The following CECR2 variants were observed in gnomAD, a reference collection of about 807,000 sequenced individuals.
CECR2 encodes the protein chromatin remodeling regulator CECR2.
In CECR2, 30 loss-of-function variants were observed where a neutral mutation model predicts 154.5. The observed-to-expected ratio is 0.19, with a 90% CI of 0.15 to 0.26. The LOEUF (loss-of-function observed/expected upper bound fraction) is 0.26. Among genes scored for constraint, CECR2 ranks in the 10% least tolerant of loss-of-function variants. The pLI, the probability that CECR2 is intolerant of heterozygous loss-of-function variation, is 1.00. For missense variants in CECR2, 1,743 were observed against 1,829.3 expected, an observed-to-expected ratio of 0.95 and a Z score of 0.86; for synonymous variants, 725 against 683.7, an observed-to-expected ratio of 1.06 and a Z score of -0.94.
At position 17,540,044 on chromosome 22, in the gene CECR2, C is replaced by A. The variant is rs571970277; in HGVS notation, c.1496-368C>A. Among the ~76,000 whole-genome samples the A allele has an allele frequency of 6.8e-4, 104 of 152,230 alleles. 3 individuals are homozygous for A. The South Asian group carries it at 0.022, about 32-fold the overall frequency. ...CGGGTGTCTCACTTTCTTGCCCAGT[C>A]CAGTCTTGGAACTCCTGGGCTCAAG... On this transcript the variant is annotated intron_variant, in intron 13 of 18. Transcript: ENST00000262608.
chr22:17,435,749 GA>G (rs1445070820), intron 1 of CECR2, among the ~76,000 whole-genome samples: 4 of 146,248 alleles, frequency 2.7e-5, no homozygotes, highest in Non-Finnish European at 6.0e-5. Flanking sequence ...GTGAAACGGT[GA>G]TTTTTTCTCA....
chr22:17,556,822 T>A lies in CECR2; in HGVS notation c.*3982T>A, dbSNP rs995385494. The A allele has an allele frequency of 1.3e-5, 2 of 152,216 alleles. No individual in the cohort carries two copies. Among genetic ancestry groups the A allele is most frequent in the Admixed American group, 6.5e-5 (1 of 15,288 alleles). The allele number at this position is 152,216 out of a possible 1,614,324, so 9.4% of individuals were successfully genotyped here. On this transcript the variant is annotated 3_prime_UTR_variant, in exon 19 of 19. Coordinates refer to ENST00000262608, the MANE Select transcript of CECR2 (RefSeq NM_001290047.2). ...ATGGACCCGCATTGCAGAAAATCAG[T>A]CCCATATATTAGTGAGCCATGTACT...
At chr22:17,445,812 C>T (rs547822398) in intron 1 of CECR2, among the ~76,000 whole-genome samples, 4 of 152,076 alleles carry the variant, frequency 2.6e-5, no homozygotes, top group East Asian at 1.9e-4. Context: ...AGGCTGGTCT[C>T]GAACTCCTGA....
intron 1 of CECR2, among the ~76,000 whole-genome samples, chr22:17,455,850 A>G: frequency 6.6e-6 from 1 of 152,112 alleles, no homozygotes; most frequent in East Asian, 1.9e-4. Context: ...ACCTCAGGTG[A>G]TCCGCCTGGG....
chr22:17,362,550 A>AT (rs35324586), intron 1 of CECR2, among the ~76,000 whole-genome samples: 2 of 151,712 alleles, frequency 1.3e-5, no homozygotes, highest in South Asian at 2.1e-4. Flanking sequence ...TTTTTAGTTC[A>AT]TTTTTTTTGT....
intron 2 of CECR2, among the ~76,000 whole-genome samples, chr22:17,492,907 A>T (rs2055556402): frequency 6.6e-6 from 1 of 152,184 alleles, no homozygotes; most frequent in Non-Finnish European, 1.5e-5. Flanking sequence ...AAAAATATGT[A>T]CACATTAGTT....
chr22:17,397,284 C>T (rs897810882), intron 1 of CECR2, among the ~76,000 whole-genome samples: 8 of 151,996 alleles, frequency 5.3e-5, no homozygotes, highest in African/African-American at 1.7e-4. Context: ...GGATTACAGG[C>T]ACACACCACC....
chr22:17,371,007 C>G (rs562535817), intron 1 of CECR2, among the ~76,000 whole-genome samples: 19 of 152,078 alleles, frequency 1.2e-4, no homozygotes, highest in Non-Finnish European at 2.2e-4. Flanking sequence ...AAATTAGAGC[C>G]ACTCTTTTGG....
intron 2 of CECR2, among the ~76,000 whole-genome samples, chr22:17,488,994 C>G (rs1195022273): frequency 6.6e-6 from 1 of 152,120 alleles, no homozygotes; most frequent in Admixed American, 6.6e-5. Context: ...TCTTTTTGCC[C>G]AGGCTGGAGT....
In CECR2 at chr22:17,541,878, T is replaced by A; in HGVS notation, c.1924T>A (p.Ser642Thr). The part of the protein sequence containing the change: ...VPGTFGPLRG[S>T]DPATLYGSSG... Reference sequence around the variant, plus strand: ...AGGAACATTTGGCCCTCTGCGAGGATCAGATCCTGCCACCTTGTATGGCTC... The same window carrying A: ...AGGAACATTTGGCCCTCTGCGAGGAACAGATCCTGCCACCTTGTATGGCTC... The change falls in exon 15 of 19, where the codon TCA becomes ACA. Residue 642 changes from serine (S) to threonine (T), a missense_variant. Transcript: ENST00000262608. The A allele has an allele frequency of 6.2e-7, 1 of 1,614,006 alleles. No individual in the cohort carries two copies. The highest frequency in any genetic ancestry group is 8.5e-7 in the Non-Finnish European group (1 of 1,179,888).
At chr22:17,512,408 A>G (rs906790937) in intron 8 of CECR2, among the ~76,000 whole-genome samples, 14 of 148,544 alleles carry the variant, frequency 9.4e-5, no homozygotes, top group African/African-American at 3.7e-4. Flanking sequence ...GTCAAAAAAC[A>G]GTATATATTA....
At chr22:17,523,755 C>CAAAAAAAAAAAAAAAAAAAAAAAAAAAAA (rs66963477) in intron 8 of CECR2, among the ~76,000 whole-genome samples, 1 of 101,164 alleles carries the variant, frequency 9.9e-6, no homozygotes, top group African/African-American at 3.7e-5. Flanking sequence ...GACTCTATCT[C>CAAAAAAAAAAAAAAAAAAAAAAAAAAAAA]AAAAAAAAAA....
At chr22:17,427,315 A>G (rs758388066) in intron 1 of CECR2, among the ~76,000 whole-genome samples, 3 of 152,114 alleles carry the variant, frequency 2.0e-5, no homozygotes, top group Non-Finnish European at 4.4e-5. Flanking sequence ...TAGTGCCACA[A>G]TAAACATATG....
At chr22:17,472,805 T>C (rs560021989) in intron 1 of CECR2, among the ~76,000 whole-genome samples, 70 of 152,324 alleles carry the variant, frequency 4.6e-4, no homozygotes, top group South Asian at 1.0e-3. Flanking sequence ...AATGGGTTGG[T>C]AGGGTTACAA....
At chr22:17,539,186 C>T in intron 13 of CECR2, 67 bp downstream of exon 13, 14 of 1,547,776 alleles carry the variant, frequency 9.0e-6, no homozygotes, top group Non-Finnish European at 1.1e-5. Context: ...TTCTCTTTTA[C>T]AAATACACAT....
intron 7 of CECR2, among the ~76,000 whole-genome samples, chr22:17,507,753 A>G (rs553093191): frequency 6.6e-6 from 1 of 152,370 alleles, no homozygotes; most frequent in South Asian, 2.1e-4. Context: ...GTTGCAGACC[A>G]GAAAGAAATA....
rs74518296 is a variant in CECR2 at position 17,475,698 on chromosome 22, T to C, written c.127-1890T>C. Among the ~76,000 whole-genome samples, 1,060 of 152,096 alleles carry C rather than the reference T, an allele frequency of 7.0e-3. 8 individuals are homozygous for C. The highest frequency in any genetic ancestry group is 0.024 in the African/African-American group (1,008 of 41,488). Reference sequence around the variant, plus strand: ...CTATCAAATGAGATTGGCCTGGGAGTTTTGGCTTTGAAGATTTTGCTTCTG... The same window carrying C: ...CTATCAAATGAGATTGGCCTGGGAGCTTTGGCTTTGAAGATTTTGCTTCTG... On this transcript the variant is annotated intron_variant, in intron 1 of 18. Coordinates refer to ENST00000262608, the MANE Select transcript of CECR2 (RefSeq NM_001290047.2).
intron 1 of CECR2, among the ~76,000 whole-genome samples, chr22:17,393,373 T>G (rs947366403): frequency 6.6e-6 from 1 of 152,218 alleles, no homozygotes; most frequent in Non-Finnish European, 1.5e-5. Flanking sequence ...ATAGCTATAT[T>G]TAAAGCTATA....
intron 1 of CECR2, among the ~76,000 whole-genome samples, chr22:17,466,007 C>CTTTATTTA: frequency 1.3e-5 from 2 of 152,058 alleles, no homozygotes; most frequent in South Asian, 4.1e-4. Flanking sequence ...CCCCCCGCTC[C>CTTTATTTA]TTTATTTATT....
Sources: gnomAD v4.1 joint callset for allele counts (sites outside exome capture counted in the v4.1 genomes callset) on GRCh38, gnomAD v4.1.1 for gene constraint, MANE v1.5 for transcripts, NCBI Gene and HGNC (gene_info 2026-07-23, HGNC 2026-07-21) for gene names.